The following OGG1 variants were observed in gnomAD, a reference collection of about 807,000 sequenced individuals.
OGG1 encodes the protein N-glycosylase/DNA lyase.
In OGG1, 35 loss-of-function variants were observed where a neutral mutation model predicts 42.3. The ratio of observed to expected loss-of-function variants is 0.83; its 90% confidence interval spans 0.63 to 1.10. The LOEUF is 1.10. Among genes scored for constraint, OGG1 ranks in the 50% least tolerant of loss-of-function variants. The probability of loss-of-function intolerance (pLI) is 0.00; values close to 1 mark genes in which losing one functional copy is unlikely to be tolerated. For missense variants in OGG1, 484 were observed against 446.7 expected, an observed-to-expected ratio of 1.08 and a Z score of -0.75; for synonymous variants, 189 against 179.0, an observed-to-expected ratio of 1.06 and a Z score of -0.44.
intron 2 of OGG1, chr3:9,779,759 C>T (rs1342076129): frequency 1.3e-5 from 2 of 152,212 alleles, no homozygotes; most frequent in Non-Finnish European, 2.9e-5. Context: ...AACACATTTC[C>T]TTACTGTGAA....
chr3:9,756,516 G>A lies in OGG1; in HGVS notation c.793G>A (p.Val265Met), dbSNP rs1374781726. 1 of 1,614,072 alleles carries A rather than the reference G, an allele frequency of 6.2e-7. No individual in the cohort carries two copies. Among genetic ancestry groups the A allele is most frequent in the East Asian group, 2.2e-5 (1 of 44,890 alleles). The change falls in exon 5 of 7, where the codon GTG (valine) becomes ATG (methionine). Residue 265 changes from valine to methionine, a missense_variant. Val to Met is a conservative substitution (Grantham distance 21). Transcript: ENST00000344629. ...CLMALDKPQAVPVDVHMWHIA... is the reference protein window; with the variant it reads ...CLMALDKPQAMPVDVHMWHIA... ...GATGGCCCTAGACAAGCCCCAGGCTGTGCCCGTGGATGTCCATATGTGGCA... is the reference window on the plus strand; with the variant it reads ...GATGGCCCTAGACAAGCCCCAGGCTATGCCCGTGGATGTCCATATGTGGCA...
chr3:9,760,870 G>A, downstream of OGG1: 1 of 1,535,288 alleles, frequency 6.5e-7, no homozygotes, highest in Non-Finnish European at 8.8e-7. Context: ...GCCATGGAAG[G>A]AGTTCCCCCT....
chr3:9,759,598 G>T (rs982289547), downstream of OGG1: 13 of 1,614,174 alleles, frequency 8.1e-6, no homozygotes, highest in Non-Finnish European at 1.1e-5. Flanking sequence ...TATGTGGTGG[G>T]TTGCCTATGA....
At chr3:9,790,161 A>G (rs2078699598), downstream of OGG1, among the ~76,000 whole-genome samples, 1 of 152,122 alleles carries the variant, frequency 6.6e-6, no homozygotes, top group African/African-American at 2.4e-5. Flanking sequence ...CTTTATTCAT[A>G]TACTTCTCAT....
downstream of OGG1, among the ~76,000 whole-genome samples, chr3:9,769,616 C>G (rs1413416336): frequency 6.6e-6 from 1 of 152,216 alleles, no homozygotes; most frequent in Non-Finnish European, 1.5e-5. Context: ...CACACAGGCC[C>G]CCTTCTCTAT....
chr3:9,751,490 C>T (rs773740847), intron 2 of OGG1, among the ~76,000 whole-genome samples: 1 of 152,184 alleles, frequency 6.6e-6, no homozygotes, highest in Non-Finnish European at 1.5e-5. Flanking sequence ...AAAGCATCTG[C>T]TGTGTGACCG....
At chr3:9,757,745 C>A (rs369091156), downstream of OGG1, 12 of 1,614,200 alleles carry the variant, frequency 7.4e-6, no homozygotes, top group Middle Eastern at 4.9e-4. The surrounding 1 kb of genome is among the most constrained non-coding windows in gnomAD (Gnocchi z 4.5). Flanking sequence ...CCACTGGTGT[C>A]AGCAGCTCCC....
downstream of OGG1, chr3:9,762,315 T>C (rs947587366): frequency 1.3e-5 from 2 of 154,014 alleles, no homozygotes; most frequent in African/African-American, 2.4e-5. Context: ...TATGTTTTGC[T>C]GTCCCATCCA....
At chr3:9,768,709 C>G (rs2078224872), downstream of OGG1, among the ~76,000 whole-genome samples, 1 of 152,202 alleles carries the variant, frequency 6.6e-6, no homozygotes, top group Admixed American at 6.5e-5. Flanking sequence ...ACAGATGAGG[C>G]CAAAACAGAG....
intron 3 of OGG1, among the ~76,000 whole-genome samples, chr3:9,752,375 A>T (rs1408626303): frequency 6.6e-6 from 1 of 152,102 alleles, no homozygotes; most frequent in Non-Finnish European, 1.5e-5. Flanking sequence ...TGAGGGTTGA[A>T]GAAAGGAATA....
In OGG1 at chr3:9,756,782, G is replaced by A. The variant is rs1355601947; in HGVS notation, c.914G>A (p.Ser305Asn). 8 of 1,614,114 alleles carry A rather than the reference G, an allele frequency of 5.0e-6. No individual in the cohort carries two copies. Among genetic ancestry groups the A allele is most frequent in the Non-Finnish European group, 6.8e-6 (8 of 1,180,006 alleles). ...TNKELGNFFR[S>N]LWGPYAGWAQ... ...TCTGATTTAGGAAACTTTTTCCGGA[G>A]CCTGTGGGGACCTTATGCTGGCTGG... Residue 305 changes from serine to asparagine, a missense_variant, in exon 6 of 7, where the codon AGC (serine) becomes AAC (asparagine). By Grantham distance (46) the Ser-to-Asn change is conservative. Transcript: ENST00000344629.
At chr3:9,766,075 A>C (rs1421629039) in exon 8 of OGG1, 6 of 1,559,536 alleles carry the variant, frequency 3.8e-6, no homozygotes, top group East Asian at 2.4e-5. Context: ...CAGTCAAAGT[A>C]GTCTCTCCCC....
rs762289668 is a variant in OGG1 at position 9,757,017 on chromosome 3, C to T, written c.949-44C>T. On this transcript the variant is annotated intron_variant, in intron 6 of 6. Coordinates refer to ENST00000344629, the MANE Select transcript of OGG1 (RefSeq NM_002542.6). This position sits in a 1 kb window ranked among gnomAD's most constrained non-coding sequence, Gnocchi z 4.5. ...CTGTCACTAGTCTCACCAGCCCTGA[C>T]CCCAGTGTACCCTCCTCCCCACACA... The T allele has an allele frequency of 6.2e-7, 1 of 1,613,580 alleles. No homozygotes were observed. The highest frequency in any genetic ancestry group is 1.3e-5 in the African/African-American group (1 of 74,924).
downstream of OGG1, chr3:9,789,911 C>G: frequency 6.2e-7 from 1 of 1,613,254 alleles, no homozygotes; most frequent in Non-Finnish European, 8.5e-7. Flanking sequence ...ATGGTCTCGA[C>G]CCAGCTTCAG....
intron 3 of OGG1, among the ~76,000 whole-genome samples, chr3:9,753,823 A>C (rs2077417541): frequency 6.6e-6 from 1 of 152,214 alleles, no homozygotes; most frequent in Non-Finnish European, 1.5e-5. Flanking sequence ...ATCATGAGGC[A>C]GTGTAGTGTA....
chr3:9,757,693 G>A, downstream of OGG1: 1 of 1,614,028 alleles, frequency 6.2e-7, no homozygotes, highest in Middle Eastern at 1.6e-4. The surrounding 1 kb of genome is among the most constrained non-coding windows in gnomAD (Gnocchi z 4.5). Flanking sequence ...CACCTTTGTG[G>A]ACCACCCATG....
At chr3:9,759,959 A>G, downstream of OGG1, 1 of 647,678 alleles carries the variant, frequency 1.5e-6, no homozygotes, top group Non-Finnish European at 2.5e-6. Context: ...AGAAAAACAT[A>G]TGGCCGGGCA....
intron 2 of OGG1, 133 bp from the exon 3 acceptor site, chr3:9,751,637 T>C (rs2077304838): frequency 1.2e-6 from 1 of 850,092 alleles, no homozygotes; most frequent in East Asian, 2.4e-5. Flanking sequence ...GGTGTTGCTT[T>C]CTCTAACGGT....
downstream of OGG1, chr3:9,767,737 C>A (rs561655780): frequency 1.2e-6 from 2 of 1,614,098 alleles, no homozygotes; most frequent in East Asian, 4.5e-5. Flanking sequence ...GGGCCTTCCA[C>A]TGCCCCCAGC....
Sources: allele counts gnomAD v4.1 joint callset (sites outside exome capture counted in the v4.1 genomes callset), GRCh38; gene constraint gnomAD v4.1.1; non-coding constraint Gnocchi (gnomAD v3.1); transcripts MANE v1.5; gene names NCBI Gene and HGNC (gene_info 2026-07-23, HGNC 2026-07-21).